STOX1: variants seen among roughly 807,000 people sequenced by gnomAD.
STOX1 encodes storkhead-box protein 1.
A neutral mutation model predicts 74.8 loss-of-function variants in STOX1; 57 were observed. The ratio of observed to expected loss-of-function variants is 0.76; its 90% CI spans 0.62 to 0.95. The LOEUF is 0.95. STOX1 is among the 40% of genes least tolerant of loss of function. The pLI, the probability that STOX1 is intolerant of heterozygous loss-of-function variation, is 0.00. For missense variants in STOX1, 1,010 were observed against 1,117.0 expected (o/e 0.90, Z 1.37); for synonymous variants, 375 against 401.3 (o/e 0.93, Z 0.78).
chr10:68,850,374 G>C (rs528382604), intron 1 of STOX1, among the ~76,000 whole-genome samples: 1 of 152,138 alleles, frequency 6.6e-6, no homozygotes, highest in Non-Finnish European at 1.5e-5. Flanking sequence ...ATATTTGCTG[G>C]TTGAAAGCCT....
chr10:68,885,697 C>A lies in STOX1; in HGVS notation c.1901C>A (p.Thr634Asn), dbSNP rs1287046607. ...SHSHFDKLGETKQTPHSLPSR... is the reference protein window; with the variant it reads ...SHSHFDKLGENKQTPHSLPSR... ...TCCCACTTTGACAAATTAGGGGAGA[C>A]CAAACAGACTCCGCATAGTCTGCCA... is the stretch of plus-strand genomic sequence containing the variant. Residue 634 changes from threonine to asparagine, a missense_variant, in exon 3 of 4, where the codon ACC (threonine) becomes AAC (asparagine). By Grantham distance (65) the Thr-to-Asn change is moderately conservative. Coordinates refer to ENST00000298596, the MANE Select transcript of STOX1 (RefSeq NM_152709.5). 3 of 1,614,098 alleles carry A rather than the reference C, an allele frequency of 1.9e-6. No homozygotes were observed. The highest frequency in any genetic ancestry group is 2.5e-6 in the Non-Finnish European group (3 of 1,180,028).
At chr10:68,846,248 G>A (rs1471980891) in intron 1 of STOX1, among the ~76,000 whole-genome samples, 1 of 151,798 alleles carries the variant, frequency 6.6e-6, no homozygotes, top group Non-Finnish European at 1.5e-5. Context: ...CTGGGTTCAA[G>A]CTATTCTCCT....
In STOX1 at chr10:68,884,538, C is replaced by G. The variant is rs754346473; in HGVS notation, c.742C>G (p.Arg248Gly). ...ISHCQSCQCF[R>G]DMHTQDVQEA... is the part of the protein sequence containing the mutation. Reference sequence around the variant, plus strand: ...CCACTGTCAGTCTTGCCAGTGTTTCCGGGACATGCACACTCAGGATGTTCA... The same window carrying G: ...CCACTGTCAGTCTTGCCAGTGTTTCGGGGACATGCACACTCAGGATGTTCA... Residue 248 changes from arginine to glycine, a missense_variant, in exon 3 of 4, where the codon CGG (arginine) becomes GGG (glycine). Arg to Gly is a moderately radical substitution (Grantham distance 125). Transcript: ENST00000298596. The G allele has an allele frequency of 7.4e-6, 12 of 1,613,718 alleles. No homozygotes were observed. In the South Asian group the frequency reaches 1.3e-4, roughly 18 times the overall value.
Position 68,881,942 on chromosome 10 carries a change from T to TA in STOX1, c.311-13dup, listed in dbSNP as rs1564586381. 1 of 1,613,652 alleles carries TA rather than the reference T, an allele frequency of 6.2e-7. No homozygotes were observed. The highest frequency in any genetic ancestry group is 1.7e-5 in the Admixed American group (1 of 60,002). ...TTATCAACCCCCTCCCCCTTTTTTTTAAATCTCCAATTTAGGTGATGTCTT... is the reference window on the plus strand; with the variant it reads ...TTATCAACCCCCTCCCCCTTTTTTTTAAAATCTCCAATTTAGGTGATGTCTT... On this transcript the variant is annotated splice_polypyrimidine_tract_variant and intron_variant, in intron 1 of 3. Transcript: ENST00000298596.
At chr10:68,872,540 T>G (rs1840562491) in intron 1 of STOX1, among the ~76,000 whole-genome samples, 2 of 151,942 alleles carry the variant, frequency 1.3e-5, no homozygotes, top group Admixed American at 1.3e-4. Flanking sequence ...AGAGACGAGG[T>G]TTCACCATGT....
rs1303160985 is a variant in STOX1 at position 68,892,778 on chromosome 10, A to C, written c.*42A>C. On this transcript the variant is annotated 3_prime_UTR_variant, in exon 4 of 4. Coordinates refer to ENST00000298596, the MANE Select transcript of STOX1 (RefSeq NM_152709.5). The stretch of plus-strand genomic sequence containing the variant: ...TACTTTTTTCTTTATAAAAAGGTAG[A>C]GCATTATTACAGAATCTTTCAATCA... 3.8e-6 allele frequency: 6 copies of C among 1,587,886 alleles called. No homozygotes were observed. The highest frequency in any genetic ancestry group is 4.3e-6 in the Non-Finnish European group (5 of 1,157,532).
intron 1 of STOX1, chr10:68,846,831 A>G (rs1030582629): frequency 1.3e-5 from 2 of 152,222 alleles, no homozygotes; most frequent in Non-Finnish European, 2.9e-5. Context: ...CACATATACT[A>G]AAATTCAAAC....
intron 1 of STOX1, among the ~76,000 whole-genome samples, chr10:68,843,986 C>G (rs1025799069): frequency 6.6e-6 from 1 of 152,016 alleles, no homozygotes; most frequent in African/African-American, 2.4e-5. Flanking sequence ...CGAGACCATC[C>G]TGGCTAACAC....
rs541179693 is a variant in STOX1 at position 68,872,915 on chromosome 10, TTC to T, written c.311-9041_311-9040del. Among the ~76,000 whole-genome samples the T allele has an allele frequency of 8.1e-3, 153 of 18,958 alleles. 1 individual carries two copies. The highest frequency in any genetic ancestry group is 0.058 in the African/African-American group (146 of 2,502). The allele number at this position is 18,958 out of a possible 152,430, so 12.4% of individuals were successfully genotyped here. A position where few individuals can be genotyped will look rare whatever the true frequency, so the allele number is the denominator to read the frequency against. On this transcript the variant is annotated intron_variant, in intron 1 of 3. Transcript: ENST00000298596. The stretch of plus-strand genomic sequence containing the variant: ...GATTAATGTAAAATAAGCGTAATTG[TTC>T]TTTTTTTTTTTCCCCTTAACGGTAC...
At chr10:68,889,294 T>A (rs1234735992) in intron 3 of STOX1, among the ~76,000 whole-genome samples, 1 of 152,080 alleles carries the variant, frequency 6.6e-6, no homozygotes, top group Non-Finnish European at 1.5e-5. Context: ...AAAAGTTTTT[T>A]TGATCACTTC....
chr10:68,846,976 T>C (rs1302329304), intron 1 of STOX1: 1 of 152,198 alleles, frequency 6.6e-6, no homozygotes, highest in East Asian at 1.9e-4. Flanking sequence ...CAATCAATAT[T>C]GGGTCTCCTG....
At chr10:68,847,895 C>T (rs1335668993) in intron 1 of STOX1, among the ~76,000 whole-genome samples, 2 of 152,044 alleles carry the variant, frequency 1.3e-5, no homozygotes, top group Non-Finnish European at 2.9e-5. Flanking sequence ...CCAAGCCTGG[C>T]TAATTTTGTA....
At chr10:68,837,855 A>G (rs1306698443) in intron 1 of STOX1, among the ~76,000 whole-genome samples, 9 of 152,216 alleles carry the variant, frequency 5.9e-5, no homozygotes, top group Admixed American at 5.9e-4. Flanking sequence ...GGACTCCAAT[A>G]AGATACCATC....
At chr10:68,864,904 A>G (rs1840364170) in intron 1 of STOX1, among the ~76,000 whole-genome samples, 1 of 152,200 alleles carries the variant, frequency 6.6e-6, no homozygotes, top group African/African-American at 2.4e-5. Flanking sequence ...GTAATTTTTG[A>G]AAGTCATTCA....
chr10:68,871,224 C>A (rs556190197), intron 1 of STOX1, among the ~76,000 whole-genome samples: 2 of 152,116 alleles, frequency 1.3e-5, no homozygotes, highest in Non-Finnish European at 2.9e-5. Context: ...TATCTCTATC[C>A]GCAGTGAGGG....
rs577098425 is a variant in STOX1, at chr10:68,830,619, A to G, written c.310+2686A>G. Among the ~76,000 whole-genome samples the G allele has an allele frequency of 6.6e-5, 10 of 152,304 alleles. No homozygotes were observed. In the East Asian group the frequency reaches 1.9e-3, roughly 29 times the overall value. On this transcript the variant is annotated intron_variant, in intron 1 of 3. Transcript: ENST00000298596. ...CAGCCTCCCAAAGTGCTGGGATTAC[A>G]GACATGAGCTACCGCGCCTGACGAT...
intron 1 of STOX1, among the ~76,000 whole-genome samples, chr10:68,858,945 A>G (rs1370061115): frequency 6.6e-6 from 1 of 152,064 alleles, no homozygotes. Flanking sequence ...GTGGAGCCCT[A>G]TCCCAGCTCC....
At chr10:68,877,687 G>A (rs1183111304) in intron 1 of STOX1, among the ~76,000 whole-genome samples, 8 of 152,176 alleles carry the variant, frequency 5.3e-5, no homozygotes, top group Admixed American at 3.3e-4. Context: ...ACCTGCAGGC[G>A]GACACAGCAG....
At chr10:68,864,219 C>T (rs901216067) in intron 1 of STOX1, among the ~76,000 whole-genome samples, 5 of 152,094 alleles carry the variant, frequency 3.3e-5, no homozygotes, top group South Asian at 4.1e-4. Context: ...CCACCGCACC[C>T]GGCCAAGTTC....
Sources: allele counts gnomAD v4.1 joint callset (sites outside exome capture counted in the v4.1 genomes callset), GRCh38; gene constraint gnomAD v4.1.1; transcripts MANE v1.5; gene names NCBI Gene and HGNC (gene_info 2026-07-23, HGNC 2026-07-21).